Variants in XXYLT1 observed in about 807,000 individuals in gnomAD.
XXYLT1 encodes xyloside xylosyltransferase 1.
In XXYLT1, 20 loss-of-function variants were observed where a neutral mutation model predicts 28.9. That is an observed-to-expected ratio of 0.69 (90% CI 0.49 to 1.00). The LOEUF is 1.00. Ranked by LOEUF, XXYLT1 falls within the 50% of genes least tolerant of loss-of-function variation. The pLI, the probability that XXYLT1 is intolerant of heterozygous loss-of-function variation, is 0.00. For synonymous variants in XXYLT1, 257 were observed against 253.8 expected, an observed-to-expected ratio of 1.01 and a Z score of -0.12; for missense variants, 542 against 560.1, an observed-to-expected ratio of 0.97 and a Z score of 0.33.
rs573306971 is a variant in XXYLT1, at chr3:195,256,815, A to C, written c.504+13740T>G. 6.6e-6 allele frequency among the ~76,000 whole-genome samples: 1 copy of C among 152,292 alleles called. No individual in the cohort carries two copies. Among genetic ancestry groups the C allele is most frequent in the South Asian group, 2.1e-4 (1 of 4,822 alleles). On this transcript the variant is annotated intron_variant, in intron 1 of 3. Transcript: ENST00000310380. This position sits in a 1 kb window ranked among gnomAD's most constrained non-coding sequence, Gnocchi z 4.2. ...GACTCTGTCCACCACACTCCAGCTGAAGTGAGCGCCCAGGGGCAGGTGCAG... is the reference window on the plus strand; with the variant it reads ...GACTCTGTCCACCACACTCCAGCTGCAGTGAGCGCCCAGGGGCAGGTGCAG...
At chr3:195,220,396 G>A (rs143238281) in intron 2 of XXYLT1, among the ~76,000 whole-genome samples, 2,161 of 152,182 alleles carry the variant, frequency 0.014, 71 homozygotes, top group African/African-American at 0.049. Flanking sequence ...CGCCCGCCTC[G>A]GTCTCCCAAA....
chr3:195,207,061 T>C lies in XXYLT1; in HGVS notation c.652+19648A>G, dbSNP rs560716135. 6.5e-4 allele frequency among the ~76,000 whole-genome samples: 99 copies of C among 152,292 alleles called. 2 individuals are homozygous for C. Among genetic ancestry groups the C allele is most frequent in the Admixed American group, 7.2e-4 (11 of 15,304 alleles). On this transcript the variant is annotated intron_variant, in intron 2 of 3. Transcript: ENST00000310380. The stretch of plus-strand genomic sequence containing the variant: ...TCAGTAAGAGAGAGAAACAAGGCTT[T>C]AACCTGGGTCTTCAGACCCTTCTAC...
At chr3:195,229,142 A>G (rs2108805676) in intron 1 of XXYLT1, among the ~76,000 whole-genome samples, 1 of 151,850 alleles carries the variant, frequency 6.6e-6, no homozygotes, top group African/African-American at 2.4e-5. Context: ...TTTCTCTTAT[A>G]TTTCTTTTTA....
chr3:195,107,616 AGG>A, intron 3 of XXYLT1, among the ~76,000 whole-genome samples: 1 of 19,488 alleles, frequency 5.1e-5, no homozygotes, highest in East Asian at 2.1e-3. Flanking sequence ...GAAGGGGAGG[AGG>A]AGGGGGAGGA....
intron 3 of XXYLT1, among the ~76,000 whole-genome samples, chr3:195,070,691 C>A (rs752603343): frequency 5.3e-5 from 8 of 152,182 alleles, no homozygotes; most frequent in African/African-American, 1.9e-4. Flanking sequence ...GGCAGCTGAA[C>A]CCTGACTGGA....
intron 2 of XXYLT1, among the ~76,000 whole-genome samples, chr3:195,225,079 A>C (rs1299193309): frequency 6.6e-6 from 1 of 152,162 alleles, no homozygotes; most frequent in Admixed American, 6.5e-5. Flanking sequence ...CTGCCACTTA[A>C]AAGGCTGTAT....
intron 1 of XXYLT1, among the ~76,000 whole-genome samples, chr3:195,258,176 C>T (rs1725548044): frequency 6.6e-6 from 1 of 152,192 alleles, no homozygotes; most frequent in South Asian, 2.1e-4. Flanking sequence ...CTGGCAAAAG[C>T]AGGGCCACCT....
At chr3:195,262,112 G>C (rs1367481385) in intron 1 of XXYLT1, among the ~76,000 whole-genome samples, 1 of 152,238 alleles carries the variant, frequency 6.6e-6, no homozygotes, top group Non-Finnish European at 1.5e-5. Flanking sequence ...ATCAACTGAT[G>C]AATGGATGAT....
intron 3 of XXYLT1, among the ~76,000 whole-genome samples, chr3:195,096,718 T>C (rs1025966697): frequency 2.0e-5 from 3 of 152,216 alleles, no homozygotes; most frequent in African/African-American, 7.2e-5. Flanking sequence ...AGGCTGAGCT[T>C]TCCTTTCAAC....
intron 2 of XXYLT1, among the ~76,000 whole-genome samples, chr3:195,169,419 G>T (rs1057138640): frequency 2.0e-5 from 3 of 152,206 alleles, no homozygotes; most frequent in African/African-American, 7.2e-5. Flanking sequence ...CCAGACTCAG[G>T]GAGAGGGACC....
intron 2 of XXYLT1, among the ~76,000 whole-genome samples, chr3:195,224,057 G>A (rs1296522960): frequency 6.6e-6 from 1 of 152,208 alleles, no homozygotes; most frequent in Non-Finnish European, 1.5e-5. Flanking sequence ...TCGAGAGGCT[G>A]AGGCAGGAGA....
intron 2 of XXYLT1, among the ~76,000 whole-genome samples, chr3:195,157,648 AC>A (rs1720672427): frequency 1.3e-5 from 2 of 152,188 alleles, no homozygotes; most frequent in South Asian, 4.1e-4. Context: ...CACCAAGCTG[AC>A]CAGGACCCTG....
At chr3:195,236,696 G>A (rs1724562275) in intron 1 of XXYLT1, among the ~76,000 whole-genome samples, 1 of 151,970 alleles carries the variant, frequency 6.6e-6, no homozygotes. Flanking sequence ...CTGTGAATGT[G>A]CTGGATCCCA....
In XXYLT1 at chr3:195,256,395, C is replaced by T. The variant is rs1560178572; in HGVS notation, c.504+14160G>A. 4.0e-6 allele frequency: 3 copies of T among 749,716 alleles called. No individual in the cohort carries two copies. Among genetic ancestry groups the T allele is most frequent in the Non-Finnish European group, 4.9e-6 (3 of 614,946 alleles). The allele number at this position is 749,716 out of a possible 1,614,324, so 46.4% of individuals were successfully genotyped here. On this transcript the variant is annotated intron_variant, in intron 1 of 3. Transcript: ENST00000310380. The surrounding 1 kb of genome is among the most constrained non-coding windows in gnomAD (Gnocchi z 4.2). ...ACAGCTCTGGTCATTCCAAGTCCCT[C>T]GCCCTCATGCTCCGCGCAGGCCTGA... is the stretch of plus-strand genomic sequence containing the variant.
rs999670042 is a variant in XXYLT1, at chr3:195,076,098, G to A, written c.786-5987C>T. On this transcript the variant is annotated intron_variant, in intron 3 of 3. Transcript: ENST00000310380. This position sits in a 1 kb window ranked among gnomAD's most constrained non-coding sequence, Gnocchi z 5.3. ...CGCCTCCTGGAGCCTCTCCCCGCACGCTGGAGGCTGCCAGGGCCCTGCTTT... is the reference window on the plus strand; with the variant it reads ...CGCCTCCTGGAGCCTCTCCCCGCACACTGGAGGCTGCCAGGGCCCTGCTTT... Among the ~76,000 whole-genome samples, 1 of 152,194 alleles carries A rather than the reference G, an allele frequency of 6.6e-6. No individual in the cohort carries two copies. Among genetic ancestry groups the A allele is most frequent in the African/African-American group, 2.4e-5 (1 of 41,440 alleles).
intron 3 of XXYLT1, among the ~76,000 whole-genome samples, chr3:195,125,587 C>CTCTTTCGGTGGGGGG (rs1388202552): frequency 6.6e-6 from 1 of 152,250 alleles, no homozygotes; most frequent in Non-Finnish European, 1.5e-5. Flanking sequence ...TGATTCAAAA[C>CTCTTTCGGTGGGGGG]TCTTTCGGTG....
At chr3:195,153,381 G>A (rs1223686372) in intron 3 of XXYLT1, among the ~76,000 whole-genome samples, 1 of 152,156 alleles carries the variant, frequency 6.6e-6, no homozygotes, top group Non-Finnish European at 1.5e-5. Context: ...CGGGGCACGC[G>A]GCAGGCAGTG....
rs202160163 is a variant in XXYLT1 at position 195,069,921 on chromosome 3, C to T, written c.976G>A (p.Gly326Ser). ...QQLADKYHFR[G>S]HLGDQDFFTM... ...AAGAAGTCCTGGTCCCCGAGGTGGCCGCGGAAGTGGTACTTGTCGGCCAGC... is the reference window on the plus strand; with the variant it reads ...AAGAAGTCCTGGTCCCCGAGGTGGCTGCGGAAGTGGTACTTGTCGGCCAGC... Residue 326 changes from glycine to serine, a missense_variant, in exon 4 of 4, where the codon GGC becomes AGC. Gly to Ser is a moderately conservative substitution (Grantham distance 56, BLOSUM62 0). Transcript: ENST00000310380. The T allele has an allele frequency of 1.9e-4, 301 of 1,613,684 alleles. 2 individuals are homozygous for T. In the African/African-American group the frequency reaches 3.0e-3, roughly 16 times the overall value.
intron 3 of XXYLT1, among the ~76,000 whole-genome samples, chr3:195,111,141 C>T (rs67660032): frequency 0.62 from 94,725 of 151,820 alleles, 30,873 homozygotes; most frequent in Middle Eastern, 0.72. Flanking sequence ...TCTGGTGGTT[C>T]GCTGGCAATC....
Sources: gnomAD v4.1 joint callset for allele counts (sites outside exome capture counted in the v4.1 genomes callset) on GRCh38, gnomAD v4.1.1 for gene constraint, Gnocchi (gnomAD v3.1) non-coding constraint, MANE v1.5 for transcripts, NCBI Gene and HGNC (gene_info 2026-07-23, HGNC 2026-07-21) for gene names.